Variants in RAP1A observed in about 807,000 individuals in gnomAD.
RAP1A encodes the protein RAP1A, member of RAS oncogene family.
In RAP1A, 6 loss-of-function variants were observed where a neutral mutation model predicts 26.4. The observed-to-expected ratio is 0.23, with a 90% CI of 0.12 to 0.45. The LOEUF (loss-of-function observed/expected upper bound fraction) is 0.45. Ranked by LOEUF, RAP1A falls within the 20% of genes least tolerant of loss-of-function variation. The probability of loss-of-function intolerance (pLI) is 0.99; values close to 1 mark genes in which losing one functional copy is unlikely to be tolerated. For missense variants in RAP1A, 121 were observed against 217.2 expected (o/e 0.56, Z 2.78); for synonymous variants, 73 against 79.4 (o/e 0.92, Z 0.43).
At chr1:111,543,817 G>T (rs895647201) in intron 1 of RAP1A, among the ~76,000 whole-genome samples, 1 of 152,124 alleles carries the variant, frequency 6.6e-6, no homozygotes, top group Admixed American at 6.5e-5. Flanking sequence ...CATTCATTTT[G>T]TTATCCCAGG....
chr1:111,583,762 T>G (rs1336444447), intron 1 of RAP1A, among the ~76,000 whole-genome samples: 2 of 152,104 alleles, frequency 1.3e-5, no homozygotes, highest in Non-Finnish European at 1.5e-5. Flanking sequence ...CAGTAGATAT[T>G]TTGCAGCTAT....
intron 1 of RAP1A, among the ~76,000 whole-genome samples, chr1:111,631,586 C>A (rs955502017): frequency 6.6e-6 from 1 of 152,008 alleles, no homozygotes; most frequent in South Asian, 2.1e-4. Flanking sequence ...TAGTAAACTT[C>A]CAGAAGAAGG....
chr1:111,595,129 C>G (rs1658543336), intron 1 of RAP1A, among the ~76,000 whole-genome samples: 1 of 152,336 alleles, frequency 6.6e-6, no homozygotes, highest in African/African-American at 2.4e-5. Flanking sequence ...TCTTCCCCCA[C>G]TATGTTTTGG....
intron 1 of RAP1A, among the ~76,000 whole-genome samples, chr1:111,585,563 A>C (rs796607625): frequency 6.6e-5 from 10 of 151,854 alleles, no homozygotes; most frequent in African/African-American, 2.2e-4. Flanking sequence ...ATCTTTTCTT[A>C]CTCCTTTTGC....
rs1156835248 is a variant in RAP1A at position 111,716,286 on chromosome 1, A to G, written c.*3885A>G. ...GCGGTCTAACTACCCAGCTTTTAGT[A>G]TTTATGTTCCCCAAAATGTAAAAAC... On this transcript the variant is annotated 3_prime_UTR_variant, in exon 8 of 8. Coordinates refer to ENST00000369709, the MANE Select transcript of RAP1A (RefSeq NM_002884.4). The G allele has an allele frequency of 6.6e-6, 1 of 152,192 alleles. No homozygotes were observed. Among genetic ancestry groups the G allele is most frequent in the Non-Finnish European group, 1.5e-5 (1 of 68,022 alleles). The allele number at this position is 152,192 out of a possible 1,614,324, so 9.4% of individuals were successfully genotyped here. A position where few individuals can be genotyped will look rare whatever the true frequency, so the allele number is the denominator to read the frequency against.
intron 3 of RAP1A, among the ~76,000 whole-genome samples, chr1:111,696,614 C>T (rs1661837310): frequency 6.6e-6 from 1 of 152,156 alleles, no homozygotes; most frequent in African/African-American, 2.4e-5. Context: ...TTTTAGAAGA[C>T]AGTGTTGCTC....
chr1:111,638,244 G>GTA (rs1359356334), intron 1 of RAP1A, among the ~76,000 whole-genome samples: 2 of 152,096 alleles, frequency 1.3e-5, no homozygotes, highest in African/African-American at 4.8e-5. Context: ...CTTGTAAGCT[G>GTA]TATGATACAT....
At chr1:111,609,639 T>G (rs76634334) in intron 1 of RAP1A, among the ~76,000 whole-genome samples, 4,478 of 152,056 alleles carry the variant, frequency 0.029, 84 homozygotes, top group Non-Finnish European at 0.043. Flanking sequence ...ATTGATTGAC[T>G]TTTTTTTGTT....
At chr1:111,591,430 C>T (rs1475784331) in intron 1 of RAP1A, among the ~76,000 whole-genome samples, 1 of 152,086 alleles carries the variant, frequency 6.6e-6, no homozygotes, top group Non-Finnish European at 1.5e-5. Flanking sequence ...CATTAATTTC[C>T]AGTGTTTCTT....
At chr1:111,656,357 T>G (rs561963551) in intron 1 of RAP1A, among the ~76,000 whole-genome samples, 1 of 152,206 alleles carries the variant, frequency 6.6e-6, no homozygotes, top group African/African-American at 2.4e-5. Context: ...TGCTCTTAAA[T>G]GTTTGATTAA....
At chr1:111,571,304 C>A (rs1373408086) in intron 1 of RAP1A, among the ~76,000 whole-genome samples, 3 of 152,220 alleles carry the variant, frequency 2.0e-5, no homozygotes, top group Non-Finnish European at 4.4e-5. Context: ...TCCCTGTGTT[C>A]ACCAGCCCAG....
chr1:111,542,235 G>A lies in RAP1A; in HGVS notation c.-302G>A, dbSNP rs1656859222. On this transcript the variant is annotated 5_prime_UTR_variant, in exon 1 of 8. Transcript: ENST00000356415. Reference sequence around the variant, plus strand: ...AAACAGACATCCTTCGCGTACTGACGGAAACACTGGCGGCACATATTGAGG... The same window carrying A: ...AAACAGACATCCTTCGCGTACTGACAGAAACACTGGCGGCACATATTGAGG... The A allele has an allele frequency of 8.3e-6, 5 of 605,868 alleles. No individual in the cohort carries two copies. The Admixed American group carries it at 9.4e-5, about 11-fold the overall frequency. The allele number at this position is 605,868 out of a possible 1,614,324, so 37.5% of individuals were successfully genotyped here.
rs550511508 is a variant in RAP1A, at chr1:111,662,869, C to T, written c.-27-28465C>T. Among the ~76,000 whole-genome samples the T allele has an allele frequency of 3.3e-5, 5 of 152,212 alleles. No individual in the cohort carries two copies. In the East Asian group the frequency reaches 9.6e-4, roughly 29 times the overall value. On this transcript the variant is annotated intron_variant, in intron 1 of 7. Transcript: ENST00000369709. ...TCTTGGCTCACACAACTTATAGATC[C>T]TGATTTTGGACCCAGATATTCCTGC...
At chr1:111,648,250 CT>C in intron 1 of RAP1A, 1 of 626,948 alleles carries the variant, frequency 1.6e-6, no homozygotes. Context: ...TTTTTATTGG[CT>C]TCCTGCTCCC....
In RAP1A at chr1:111,715,089, T is replaced by C. The variant is rs1445658417; in HGVS notation, c.*2688T>C. On this transcript the variant is annotated 3_prime_UTR_variant, in exon 8 of 8. Coordinates refer to ENST00000369709, the MANE Select transcript of RAP1A (RefSeq NM_002884.4). The stretch of plus-strand genomic sequence containing the variant: ...GAGCTTCAACATCGGTTAATACTTT[T>C]TTTTTTTTTGAGATGGAGTCTCGCC... The C allele has an allele frequency of 2.0e-5, 3 of 152,090 alleles. No homozygotes were observed. Among genetic ancestry groups the C allele is most frequent in the Non-Finnish European group, 4.4e-5 (3 of 68,058 alleles). The allele number at this position is 152,090 out of a possible 1,614,324, so 9.4% of individuals were successfully genotyped here. A position where few individuals can be genotyped will look rare whatever the true frequency, so the allele number is the denominator to read the frequency against.
intron 1 of RAP1A, chr1:111,648,675 A>T: frequency 1.8e-6 from 1 of 543,858 alleles, no homozygotes; most frequent in South Asian, 1.7e-5. Context: ...TAAGGACTGG[A>T]CTGTATGTCT....
intron 1 of RAP1A, among the ~76,000 whole-genome samples, chr1:111,582,237 A>G (rs1337821968): frequency 6.6e-6 from 1 of 152,194 alleles, no homozygotes; most frequent in African/African-American, 2.4e-5. Context: ...TGGTGAGGCT[A>G]TGTGACTGAA....
chr1:111,715,103 T>TG lies in RAP1A; in HGVS notation c.*2704dup, dbSNP rs1259560187. 6.6e-6 allele frequency: 1 copy of TG among 151,524 alleles called. No individual in the cohort carries two copies. The highest frequency in any genetic ancestry group is 1.5e-5 in the Non-Finnish European group (1 of 67,986). The allele number at this position is 151,524 out of a possible 1,614,324, so 9.4% of individuals were successfully genotyped here. ...GTTAATACTTTTTTTTTTTTTGAGA[T>TG]GGAGTCTCGCCCTGTCGCCCAGGCT... On this transcript the variant is annotated 3_prime_UTR_variant, in exon 8 of 8. Transcript: ENST00000369709.
At chr1:111,609,358 T>C (rs1198734565) in intron 1 of RAP1A, among the ~76,000 whole-genome samples, 2 of 152,204 alleles carry the variant, frequency 1.3e-5, no homozygotes, top group African/African-American at 4.8e-5. Context: ...TTTTTTTTAA[T>C]CAAAAGCCCA....
Sources: gnomAD v4.1 joint callset for allele counts (sites outside exome capture counted in the v4.1 genomes callset) on GRCh38, gnomAD v4.1.1 for gene constraint, MANE v1.5 for transcripts, NCBI Gene and HGNC (gene_info 2026-07-23, HGNC 2026-07-21) for gene names.